PRTG: variants seen among roughly 807,000 people sequenced by gnomAD.
PRTG encodes the protein immunoglobulin superfamily, DCC subclass, member 5.
PRTG carries 67 observed loss-of-function variants against 122.5 expected under a neutral mutation model. The ratio of observed to expected loss-of-function variants is 0.55; its 90% CI spans 0.45 to 0.67. The LOEUF is 0.67. Ranked by LOEUF, PRTG falls within the 30% of genes least tolerant of loss-of-function variation. The pLI is 0.00. For synonymous variants in PRTG, 554 were observed against 501.1 expected (o/e 1.11, Z -1.41); for missense variants, 1,435 against 1,415.4 (o/e 1.01, Z -0.22).
At chr15:55,737,693 G>A (rs1262599930) in intron 2 of PRTG, among the ~76,000 whole-genome samples, 1 of 152,004 alleles carries the variant, frequency 6.6e-6, no homozygotes, top group Non-Finnish European at 1.5e-5. Flanking sequence ...CATGAATAAT[G>A]GAATTCTTGC....
rs562624651 is a variant in PRTG, at chr15:55,705,009, T to C, written c.398-21078A>G. Among the ~76,000 whole-genome samples the C allele has an allele frequency of 2.4e-4, 36 of 152,346 alleles. No homozygotes were observed. The South Asian group carries it at 6.0e-3, about 25-fold the overall frequency. ...AGAAGAGAAGAGAGAATTAACCTAC[T>C]ATATATCATATGTACATTAACTGGT... is the stretch of plus-strand genomic sequence containing the variant. On this transcript the variant is annotated intron_variant, in intron 2 of 19. Coordinates refer to ENST00000389286, the MANE Select transcript of PRTG (RefSeq NM_173814.6).
At chr15:55,661,285 G>C (rs1443376970) in intron 11 of PRTG, among the ~76,000 whole-genome samples, 1 of 152,134 alleles carries the variant, frequency 6.6e-6, no homozygotes, top group Non-Finnish European at 1.5e-5. Context: ...TCCAAAATCA[G>C]AGCACAAACT....
At chr15:55,651,701 G>T (rs1042620269) in intron 11 of PRTG, among the ~76,000 whole-genome samples, 1 of 152,184 alleles carries the variant, frequency 6.6e-6, no homozygotes, top group East Asian at 1.9e-4. Flanking sequence ...TGAAAACTAG[G>T]TCTTTGTTGC....
chr15:55,699,469 AAACT>A (rs1361143101), intron 2 of PRTG, among the ~76,000 whole-genome samples: 1 of 152,182 alleles, frequency 6.6e-6, no homozygotes, highest in Admixed American at 6.5e-5. Flanking sequence ...CACCAAAATA[AAACT>A]AACTCACAAT....
chr15:55,650,757 G>C (rs145368019), intron 11 of PRTG, among the ~76,000 whole-genome samples: 44 of 152,246 alleles, frequency 2.9e-4, no homozygotes, highest in African/African-American at 1.0e-3. Context: ...TTGAGCTCAG[G>C]AGTTCAAGAC....
intron 11 of PRTG, among the ~76,000 whole-genome samples, chr15:55,653,479 T>G (rs1490161280): frequency 2.7e-5 from 4 of 150,154 alleles, no homozygotes; most frequent in African/African-American, 9.9e-5. Context: ...TTTTTTTTTC[T>G]GAGATGGAGT....
At chr15:55,700,308 C>CA (rs1442928696) in intron 2 of PRTG, among the ~76,000 whole-genome samples, 1 of 151,884 alleles carries the variant, frequency 6.6e-6, no homozygotes, top group East Asian at 1.9e-4. Context: ...ATACCTTACG[C>CA]AAAAAAATTA....
intron 2 of PRTG, among the ~76,000 whole-genome samples, chr15:55,725,163 A>AG (rs1221287867): frequency 1.3e-5 from 2 of 152,228 alleles, no homozygotes; most frequent in South Asian, 2.1e-4. Flanking sequence ...ATAATATAAA[A>AG]GGGGGGTGAA....
chr15:55,623,493 G>C (rs916954337), intron 18 of PRTG, among the ~76,000 whole-genome samples: 3 of 152,060 alleles, frequency 2.0e-5, no homozygotes, highest in Non-Finnish European at 4.4e-5. Context: ...CTCGAACCGG[G>C]AGGTGGAGGT....
intron 2 of PRTG, among the ~76,000 whole-genome samples, chr15:55,722,025 C>A (rs973105407): frequency 6.6e-6 from 1 of 152,156 alleles, no homozygotes; most frequent in Admixed American, 6.5e-5. Flanking sequence ...TGCCCCTTCC[C>A]CCAGACTTGG....
chr15:55,622,242 G>C (rs560530101), intron 18 of PRTG, among the ~76,000 whole-genome samples: 1 of 118,326 alleles, frequency 8.5e-6, no homozygotes, highest in South Asian at 3.1e-4. Context: ...TTTTGAGACA[G>C]AGTCTCGTTC....
chr15:55,725,291 G>A (rs1379918422), intron 2 of PRTG, among the ~76,000 whole-genome samples: 2 of 151,922 alleles, frequency 1.3e-5, no homozygotes, highest in Admixed American at 6.6e-5. Flanking sequence ...TAAAAAATAC[G>A]CACAAAAGGA....
chr15:55,670,214 AT>A (rs2059461566), intron 11 of PRTG, among the ~76,000 whole-genome samples: 1 of 146,128 alleles, frequency 6.8e-6, no homozygotes, highest in Non-Finnish European at 1.5e-5. Context: ...CAAAGTTTTA[AT>A]AAAATGTCTC....
rs1567074495 is a variant in PRTG at position 55,628,973 on chromosome 15, C to T, written c.2655G>A (p.Leu885=). The T allele has an allele frequency of 1.9e-6, 3 of 1,611,068 alleles. No homozygotes were observed. Among genetic ancestry groups the T allele is most frequent in the Non-Finnish European group, 2.5e-6 (3 of 1,178,102 alleles). Reference sequence around the variant, plus strand: ...TGACAATGTACACATTTCCTGCTACCAAGTTTTCTAGCAAAGCCATGGTTA... The same window carrying T: ...TGACAATGTACACATTTCCTGCTACTAAGTTTTCTAGCAAAGCCATGGTTA... The part of the protein sequence containing the change: ...GAITMALLEN[L]VAGNVYIVKI... Residue 885 remains leucine (L), a synonymous_variant, in exon 16 of 20, where the codon TTG becomes TTA. Coordinates refer to ENST00000389286, the MANE Select transcript of PRTG (RefSeq NM_173814.6).
intron 2 of PRTG, among the ~76,000 whole-genome samples, chr15:55,720,030 G>A (rs2030753222): frequency 6.6e-6 from 1 of 152,088 alleles, no homozygotes; most frequent in Non-Finnish European, 1.5e-5. Flanking sequence ...TTGCACTCCA[G>A]CCTGGGCAAC....
intron 2 of PRTG, among the ~76,000 whole-genome samples, chr15:55,706,637 G>A (rs960789611): frequency 8.7e-5 from 13 of 150,028 alleles, no homozygotes; most frequent in African/African-American, 2.5e-4. Flanking sequence ...ATGGTGGCTC[G>A]TATCTGTATT....
intron 11 of PRTG, among the ~76,000 whole-genome samples, chr15:55,656,687 T>C (rs1194079132): frequency 6.6e-6 from 1 of 152,186 alleles, no homozygotes; most frequent in Non-Finnish European, 1.5e-5. Context: ...TTTTTGTATT[T>C]TTAGCAGAGA....
chr15:55,686,248 A>T (rs1204048114), intron 2 of PRTG, among the ~76,000 whole-genome samples: 1 of 152,128 alleles, frequency 6.6e-6, no homozygotes, highest in Non-Finnish European at 1.5e-5. Context: ...CACTCTTGTC[A>T]ATCCCATATT....
intron 2 of PRTG, among the ~76,000 whole-genome samples, chr15:55,721,411 T>C: frequency 6.6e-6 from 1 of 152,334 alleles, no homozygotes; most frequent in East Asian, 1.9e-4. Context: ...TAGTGTATAA[T>C]GAGTCTTTCC....
Sources: gnomAD v4.1 joint callset for allele counts (sites outside exome capture counted in the v4.1 genomes callset) on GRCh38, gnomAD v4.1.1 for gene constraint, MANE v1.5 for transcripts, NCBI Gene and HGNC (gene_info 2026-07-23, HGNC 2026-07-21) for gene names.